GRIA1: variants seen among roughly 807,000 people sequenced by gnomAD.
The protein encoded by GRIA1 is glutamate receptor 1.
In GRIA1, 31 loss-of-function variants were observed where a neutral mutation model predicts 99.2. The observed-to-expected ratio is 0.31, with a 90% CI of 0.23 to 0.42. The LOEUF (loss-of-function observed/expected upper bound fraction) is 0.42, where lower values mean the gene tolerates loss of function less well. Ranked by LOEUF, GRIA1 falls within the 10% of genes least tolerant of loss-of-function variation. The pLI is 1.00. For synonymous variants in GRIA1, 438 were observed against 432.4 expected (o/e 1.01, Z -0.16); for missense variants, 782 against 1,157.5 (o/e 0.68, Z 4.71).
chr5:153,648,128 T>C lies in GRIA1; in HGVS notation c.460+961T>C, dbSNP rs1268598390. Among the ~76,000 whole-genome samples, 6 of 152,190 alleles carry C rather than the reference T, an allele frequency of 3.9e-5. No homozygotes were observed. In the East Asian group the frequency reaches 9.7e-4, roughly 25 times the overall value. Reference sequence around the variant, plus strand: ...CAGGGAGTCTTAGAAAACTTTTGAGTTGGAGAGAGGTTTGTGAAAGTGATT... The same window carrying C: ...CAGGGAGTCTTAGAAAACTTTTGAGCTGGAGAGAGGTTTGTGAAAGTGATT... On this transcript the variant is annotated intron_variant, in intron 3 of 15. Transcript: ENST00000285900.
chr5:153,705,663 T>C, intron 10 of GRIA1, 34 bp from the exon 11 acceptor site: 2 of 479,676 alleles, frequency 4.2e-6, no homozygotes, highest in Non-Finnish European at 2.5e-6. Context: ...CTCACCTGCA[T>C]TTTTTTTTTT....
At chr5:153,789,430 A>T (rs1581660121) in intron 13 of GRIA1, among the ~76,000 whole-genome samples, 1 of 152,012 alleles carries the variant, frequency 6.6e-6, no homozygotes, top group East Asian at 1.9e-4. Flanking sequence ...GAGCTCGTGA[A>T]ACTAAAACAA....
rs575981635 is a variant in GRIA1, at chr5:153,532,005, T to C, written c.220+37940T>C. 4.6e-5 allele frequency among the ~76,000 whole-genome samples: 7 copies of C among 152,282 alleles called. No individual in the cohort carries two copies. In the South Asian group the frequency reaches 1.5e-3, roughly 32 times the overall value. ...AACCCTCTCTAGGGAAACTTAATGATTGGAGTCCATATTTTGACTTCATGT... is the reference window on the plus strand; with the variant it reads ...AACCCTCTCTAGGGAAACTTAATGACTGGAGTCCATATTTTGACTTCATGT... On this transcript the variant is annotated intron_variant, in intron 2 of 15. Transcript: ENST00000285900.
intron 2 of GRIA1, among the ~76,000 whole-genome samples, chr5:153,567,644 A>T (rs1761764261): frequency 6.6e-6 from 1 of 152,192 alleles, no homozygotes; most frequent in Non-Finnish European, 1.5e-5. Flanking sequence ...AACCACTCAG[A>T]TTAATAGTTG....
chr5:153,534,300 T>A (rs1048957253), intron 2 of GRIA1, among the ~76,000 whole-genome samples: 1 of 152,130 alleles, frequency 6.6e-6, no homozygotes, highest in African/African-American at 2.4e-5. Context: ...TGATGCCAAG[T>A]GAATGTTGAG....
intron 2 of GRIA1, among the ~76,000 whole-genome samples, chr5:153,600,775 G>A (rs1364309810): frequency 6.6e-6 from 1 of 152,174 alleles, no homozygotes; most frequent in Admixed American, 6.5e-5. Context: ...ATGTCTCACA[G>A]CCTGGGAACT....
intron 8 of GRIA1, among the ~76,000 whole-genome samples, chr5:153,697,580 G>T (rs1758204802): frequency 6.6e-6 from 1 of 152,068 alleles, no homozygotes; most frequent in South Asian, 2.1e-4. Context: ...AATCTAGATG[G>T]AAAAATACAG....
At chr5:153,738,516 T>C (rs936242985) in intron 11 of GRIA1, among the ~76,000 whole-genome samples, 8 of 152,030 alleles carry the variant, frequency 5.3e-5, no homozygotes, top group African/African-American at 1.9e-4. Flanking sequence ...TGGAACAAAA[T>C]AGTCACTTAA....
chr5:153,555,357 G>A (rs917240021), intron 2 of GRIA1, among the ~76,000 whole-genome samples: 5 of 151,366 alleles, frequency 3.3e-5, no homozygotes, highest in East Asian at 3.9e-4. Flanking sequence ...CATTTTTCGC[G>A]CATTCCTACC....
At chr5:153,716,839 CTATT>C (rs1466712759) in intron 11 of GRIA1, among the ~76,000 whole-genome samples, 2 of 152,208 alleles carry the variant, frequency 1.3e-5, no homozygotes, top group Non-Finnish European at 2.9e-5. Context: ...GATCTGGAAT[CTATT>C]TATCCTATGG....
chr5:153,740,702 A>G (rs769239611), intron 11 of GRIA1, among the ~76,000 whole-genome samples: 4 of 152,210 alleles, frequency 2.6e-5, no homozygotes, highest in Non-Finnish European at 5.9e-5. Flanking sequence ...GTCCATTTCC[A>G]TACTGATGCT....
chr5:153,674,580 C>A lies in GRIA1; in HGVS notation c.780C>A (p.Asp260Glu). Residue 260 changes from aspartate (D) to glutamate (E), a missense_variant, in exon 6 of 16, where the codon GAC becomes GAA. Physicochemically the swap from Asp to Glu is conservative, Grantham distance 45. Coordinates refer to ENST00000285900, the MANE Select transcript of GRIA1 (RefSeq NM_000827.4). ...GTTTCCAGCTGGTGAACTACACAGA[C>A]ACTATTCCGGCCAAGATCATGCAGC... Reference protein sequence around the residue: ...VTGFQLVNYTDTIPAKIMQQW... With the variant: ...VTGFQLVNYTETIPAKIMQQW... 1.2e-6 allele frequency: 2 copies of A among 1,614,080 alleles called. No homozygotes were observed. The highest frequency in any genetic ancestry group is 1.7e-6 in the Non-Finnish European group (2 of 1,179,980).
In GRIA1 at chr5:153,647,149, A is replaced by G. The variant is rs758552743; in HGVS notation, c.442A>G (p.Ile148Val). ...DHYKWQKFVY[I>V]YDADRGLSVL... ...TTACAAGTGGCAGAAATTTGTCTAC[A>G]TTTATGATGCCGACCGGGGTAAGCC... The change falls in exon 3 of 16, where the codon ATT becomes GTT. Residue 148 changes from isoleucine to valine, a missense_variant. Physicochemically the swap from Ile to Val is conservative, Grantham distance 29. Transcript: ENST00000285900. The G allele has an allele frequency of 1.9e-6, 3 of 1,613,872 alleles. No homozygotes were observed. The highest frequency in any genetic ancestry group is 2.5e-6 in the Non-Finnish European group (3 of 1,179,848).
In GRIA1 at chr5:153,812,650, A is replaced by G. The variant is rs1264160720; in HGVS notation, c.*1425A>G. The G allele has an allele frequency of 2.0e-5, 3 of 152,204 alleles. No homozygotes were observed. The allele number at this position is 152,204 out of a possible 1,614,324, so 9.4% of individuals were successfully genotyped here. A position where few individuals can be genotyped will look rare whatever the true frequency, so the allele number is the denominator to read the frequency against. ...GATAGCATGAGGACGTTGTATTCCA[A>G]TATACGTATGATTGGGGCTACAAAG... On this transcript the variant is annotated 3_prime_UTR_variant, in exon 16 of 16. Transcript: ENST00000285900.
intron 2 of GRIA1, among the ~76,000 whole-genome samples, chr5:153,550,668 A>G (rs1760054749): frequency 6.6e-6 from 1 of 152,174 alleles, no homozygotes; most frequent in Admixed American, 6.6e-5. Flanking sequence ...TAACATTCTG[A>G]CCTTGGACAA....
chr5:153,660,009 T>C (rs1452761850), intron 5 of GRIA1, among the ~76,000 whole-genome samples: 4 of 152,220 alleles, frequency 2.6e-5, no homozygotes, highest in African/African-American at 9.6e-5. Context: ...GATGTCATAA[T>C]ACTCCTATGA....
intron 15 of GRIA1, 125 bp downstream of exon 15, chr5:153,802,615 A>G (rs938050762): frequency 2.1e-6 from 2 of 959,656 alleles, no homozygotes; most frequent in East Asian, 2.4e-5. Flanking sequence ...GACAGGAAGC[A>G]GGAAGCTGTT....
chr5:153,750,933 C>A (rs964521843), intron 11 of GRIA1, among the ~76,000 whole-genome samples: 2 of 152,002 alleles, frequency 1.3e-5, no homozygotes, highest in South Asian at 4.2e-4. Context: ...CCCGTCTCTA[C>A]TAAAAGTACA....
At chr5:153,537,394 T>C (rs10463248) in intron 2 of GRIA1, among the ~76,000 whole-genome samples, 70,816 of 151,898 alleles carry the variant, frequency 0.47, 18,206 homozygotes, top group Non-Finnish European at 0.59. Context: ...GCTTGGCTGG[T>C]GAGAGCATTC....
Sources: allele counts gnomAD v4.1 joint callset (sites outside exome capture counted in the v4.1 genomes callset), GRCh38; gene constraint gnomAD v4.1.1; transcripts MANE v1.5; gene names NCBI Gene and HGNC (gene_info 2026-07-23, HGNC 2026-07-21).